The following TENM2 variants were observed in gnomAD, a reference collection of about 807,000 sequenced individuals.
TENM2 encodes teneurin transmembrane protein 2.
TENM2 carries 52 observed loss-of-function variants against 245.2 expected under a neutral mutation model. That is an observed-to-expected ratio of 0.21 (90% CI 0.17 to 0.27). TENM2 has a LOEUF of 0.27. TENM2 is among the 10% of genes least tolerant of loss of function. TENM2 has a pLI of 1.00. For synonymous variants in TENM2, 1,363 were observed against 1,438.9 expected, an observed-to-expected ratio of 0.95 and a Z score of 1.19; for missense variants, 3,046 against 3,666.8, an observed-to-expected ratio of 0.83 and a Z score of 4.37.
intron 3 of TENM2, among the ~76,000 whole-genome samples, chr5:167,892,085 T>C (rs1170171568): frequency 6.6e-6 from 1 of 152,244 alleles, no homozygotes; most frequent in Non-Finnish European, 1.5e-5. Context: ...ATATAACATA[T>C]TCTTGATTGT....
intron 1 of TENM2, among the ~76,000 whole-genome samples, chr5:167,343,775 G>A (rs1458984551): frequency 1.3e-5 from 2 of 151,948 alleles, no homozygotes; most frequent in Non-Finnish European, 2.9e-5. Flanking sequence ...TTATATTTTG[G>A]TTTTATTTTC....
chr5:167,248,620 T>C, the TENM2 span, among the ~76,000 whole-genome samples: 6 of 152,200 alleles, frequency 3.9e-5, no homozygotes, highest in African/African-American at 7.2e-5. Context: ...TAAGTTTGAA[T>C]TGATGCTGTG....
chr5:167,094,988 T>C, the TENM2 span, among the ~76,000 whole-genome samples: 1 of 152,206 alleles, frequency 6.6e-6, no homozygotes, highest in Non-Finnish European at 1.5e-5. Flanking sequence ...ACATGGTCCC[T>C]ACCTTTGAGG....
chr5:168,245,079 C>CT (rs543919701), intron 26 of TENM2, among the ~76,000 whole-genome samples: 115 of 152,128 alleles, frequency 7.6e-4, no homozygotes, highest in African/African-American at 2.6e-3. Context: ...TTCTGCTGCT[C>CT]TTGTAAGCTA....
chr5:167,978,350 A>G (rs1199116930), intron 4 of TENM2, among the ~76,000 whole-genome samples: 2 of 152,246 alleles, frequency 1.3e-5, no homozygotes, highest in African/African-American at 4.8e-5. Flanking sequence ...TACAATAGTC[A>G]AAAGGTGGAA....
chr5:167,719,710 A>C (rs1175691756), intron 2 of TENM2, among the ~76,000 whole-genome samples: 4 of 152,246 alleles, frequency 2.6e-5, no homozygotes, highest in Non-Finnish European at 5.9e-5. Context: ...AGTGGTTCTC[A>C]ACCAGTGGCG....
chr5:167,486,160 C>T (rs1768056811), intron 2 of TENM2, among the ~76,000 whole-genome samples: 1 of 152,188 alleles, frequency 6.6e-6, no homozygotes, highest in African/African-American at 2.4e-5. Flanking sequence ...AAAGATTTTA[C>T]TCAAAGATTG....
chr5:167,534,666 A>C (rs931742905), intron 2 of TENM2, among the ~76,000 whole-genome samples: 1 of 152,148 alleles, frequency 6.6e-6, no homozygotes, highest in African/African-American at 2.4e-5. Flanking sequence ...GACAAGATAA[A>C]ATAATTCTTA....
At chr5:167,400,861 C>T (rs1224742037) in intron 2 of TENM2, among the ~76,000 whole-genome samples, 1 of 152,024 alleles carries the variant, frequency 6.6e-6, no homozygotes, top group East Asian at 1.9e-4. Context: ...TGAGAAAATG[C>T]CTTTGGATTT....
chr5:167,828,818 AG>A (rs1355273165), intron 2 of TENM2, among the ~76,000 whole-genome samples: 1 of 152,194 alleles, frequency 6.6e-6, no homozygotes, highest in Non-Finnish European at 1.5e-5. Flanking sequence ...TTTACATAGA[AG>A]GTTGGGAATT....
intron 2 of TENM2, among the ~76,000 whole-genome samples, chr5:167,748,035 A>G (rs1166743875): frequency 6.6e-6 from 1 of 152,156 alleles, no homozygotes; most frequent in Non-Finnish European, 1.5e-5. Flanking sequence ...TTTACCTTTC[A>G]TAATCCCCAC....
At chr5:167,784,761 G>A (rs893351058) in intron 2 of TENM2, among the ~76,000 whole-genome samples, 2 of 152,180 alleles carry the variant, frequency 1.3e-5, no homozygotes, top group African/African-American at 4.8e-5. Context: ...AAGGTTAAAA[G>A]GAATGTCATC....
At chr5:167,754,728 C>CA (rs10663941) in intron 2 of TENM2, among the ~76,000 whole-genome samples, 32,941 of 145,068 alleles carry the variant, frequency 0.23, 5,140 homozygotes, top group African/African-American at 0.44. Context: ...AGAGATATTT[C>CA]AAAAAAAAAA....
chr5:168,079,661 G>A (rs1791802709), intron 7 of TENM2, among the ~76,000 whole-genome samples: 1 of 152,088 alleles, frequency 6.6e-6, no homozygotes, highest in Non-Finnish European at 1.5e-5. Context: ...TTTTGTCAAA[G>A]GCCTTTTCTG....
At chr5:167,283,500 T>G (rs1469805815), upstream of TENM2, among the ~76,000 whole-genome samples, 6 of 152,204 alleles carry the variant, frequency 3.9e-5, no homozygotes, top group Non-Finnish European at 5.9e-5. Context: ...TGGCTTCTGG[T>G]GTCTGCAGGC....
chr5:168,113,804 A>G (rs1173284781), intron 9 of TENM2, among the ~76,000 whole-genome samples: 1 of 152,170 alleles, frequency 6.6e-6, no homozygotes, highest in Non-Finnish European at 1.5e-5. Flanking sequence ...TAAAACAGGA[A>G]TAGTCAATTT....
intron 1 of TENM2, among the ~76,000 whole-genome samples, chr5:167,338,109 T>C (rs570573325): frequency 1.3e-5 from 2 of 152,364 alleles, no homozygotes; most frequent in African/African-American, 4.8e-5. Context: ...AAGGTCAACA[T>C]GCTGTACTTA....
intron 2 of TENM2, among the ~76,000 whole-genome samples, chr5:167,788,318 T>C (rs1764719619): frequency 6.6e-6 from 1 of 152,226 alleles, no homozygotes; most frequent in African/African-American, 2.4e-5. Context: ...GTATTGCTTT[T>C]CTCTTCCTTA....
the TENM2 span, among the ~76,000 whole-genome samples, chr5:167,131,762 G>C: frequency 6.6e-6 from 1 of 152,096 alleles, no homozygotes; most frequent in Non-Finnish European, 1.5e-5. Flanking sequence ...CCATAGAAAT[G>C]CATTAGGAGG....
Sources: gnomAD v4.1 joint callset for allele counts (sites outside exome capture counted in the v4.1 genomes callset) on GRCh38, gnomAD v4.1.1 for gene constraint, MANE v1.5 for transcripts, NCBI Gene and HGNC (gene_info 2026-07-23, HGNC 2026-07-21) for gene names.